MTFMT: variants seen among roughly 807,000 people sequenced by gnomAD.
MTFMT encodes mitochondrial methionyl-tRNA formyltransferase.
In MTFMT, 47 loss-of-function variants were observed where a neutral mutation model predicts 51.8. The observed-to-expected ratio is 0.91, with a 90% confidence interval of 0.72 to 1.16. The LOEUF (loss-of-function observed/expected upper bound fraction) is 1.16, where lower values mean the gene tolerates loss of function less well. Ranked by LOEUF, MTFMT falls within the 50% of genes most tolerant of loss-of-function variation. The probability of loss-of-function intolerance (pLI) is 0.00; values close to 1 mark genes in which losing one functional copy is unlikely to be tolerated. For missense variants in MTFMT, 512 were observed against 482.3 expected (o/e 1.06, Z -0.58); for synonymous variants, 196 against 176.7 (o/e 1.11, Z -0.87).
At chr15:65,013,699 G>C (rs2086289706) in intron 6 of MTFMT, among the ~76,000 whole-genome samples, 1 of 152,046 alleles carries the variant, frequency 6.6e-6, no homozygotes, top group African/African-American at 2.4e-5. Flanking sequence ...ATGCCAGCAT[G>C]TTGGGAGGCT....
In MTFMT at chr15:65,001,522, C is replaced by A. The variant is rs935495696; in HGVS notation, c.*1540G>T. ...TTTGCACACACCAGATGCTCAATAA[C>A]CTTTATTGCACAAGTAAGTTGAAAA... On this transcript the variant is annotated 3_prime_UTR_variant, in exon 9 of 9. Coordinates refer to ENST00000220058, the MANE Select transcript of MTFMT (RefSeq NM_139242.4). 2.6e-5 allele frequency: 4 copies of A among 152,214 alleles called. No homozygotes were observed. The highest frequency in any genetic ancestry group is 4.4e-5 in the Non-Finnish European group (3 of 68,066). The allele number at this position is 152,214 out of a possible 1,614,324, so 9.4% of individuals were successfully genotyped here.
intron 2 of MTFMT, among the ~76,000 whole-genome samples, chr15:65,025,169 A>C (rs2086410623): frequency 6.6e-6 from 1 of 151,544 alleles, no homozygotes. Context: ...CCAAGGCAGG[A>C]AGATCACATG....
intron 2 of MTFMT, among the ~76,000 whole-genome samples, chr15:65,024,313 G>A (rs962120469): frequency 1.3e-5 from 2 of 152,120 alleles, no homozygotes; most frequent in Non-Finnish European, 2.9e-5. Context: ...CAACAAGAGC[G>A]AAACTCCGTC....
chr15:65,024,713 CAG>C (rs756360326), intron 2 of MTFMT, among the ~76,000 whole-genome samples: 13 of 152,042 alleles, frequency 8.6e-5, no homozygotes, highest in Admixed American at 2.6e-4. Context: ...ATCCTGCCCT[CAG>C]AGAGTTTATG....
At chr15:65,026,779 A>G (rs1238654168) in intron 2 of MTFMT, 52 bp downstream of exon 2, 16 of 1,410,702 alleles carry the variant, frequency 1.1e-5, no homozygotes, top group Non-Finnish European at 1.5e-5. Context: ...TACAAGGTCC[A>G]TTTATAAAGA....
chr15:65,021,980 G>A (rs1242105086), intron 3 of MTFMT, among the ~76,000 whole-genome samples: 3 of 152,046 alleles, frequency 2.0e-5, no homozygotes, highest in East Asian at 1.9e-4. Flanking sequence ...TTGCATATCA[G>A]GAATTTAATT....
chr15:65,003,510 T>A (rs2086194656), intron 8 of MTFMT, among the ~76,000 whole-genome samples: 1 of 152,120 alleles, frequency 6.6e-6, no homozygotes, highest in Admixed American at 6.6e-5. Flanking sequence ...AATGTATAGA[T>A]CTGTATAAAT....
chr15:65,010,799 T>C (rs1403008114), intron 6 of MTFMT, among the ~76,000 whole-genome samples: 2 of 152,196 alleles, frequency 1.3e-5, no homozygotes, highest in Non-Finnish European at 2.9e-5. Context: ...TCCACACAGG[T>C]TGCACCATTT....
intron 6 of MTFMT, among the ~76,000 whole-genome samples, chr15:65,007,944 T>C (rs144890924): frequency 9.2e-4 from 140 of 152,310 alleles, no homozygotes; most frequent in African/African-American, 3.3e-3. Flanking sequence ...CATAATTATA[T>C]TTCTAAGTCT....
chr15:65,008,264 G>T (rs1472485234), intron 6 of MTFMT, among the ~76,000 whole-genome samples: 1 of 151,994 alleles, frequency 6.6e-6, no homozygotes, highest in Non-Finnish European at 1.5e-5. Flanking sequence ...CCCACCAATG[G>T]TTGGCCAGTT....
At chr15:65,009,979 C>T (rs1185814832) in intron 6 of MTFMT, among the ~76,000 whole-genome samples, 1 of 152,130 alleles carries the variant, frequency 6.6e-6, no homozygotes, top group African/African-American at 2.4e-5. Context: ...CTCCACTCCA[C>T]TCTCTAGCAG....
Position 65,016,453 on chromosome 15 carries a change from G to A in MTFMT, c.796C>T (p.Arg266Cys), listed in dbSNP as rs35302908. Residue 266 changes from arginine to cysteine, a missense_variant, in exon 6 of 9, where the codon CGT (arginine) becomes TGT (cysteine). Physicochemically the swap from Arg to Cys is radical, Grantham distance 180 (BLOSUM62 -3). Coordinates refer to ENST00000220058, the MANE Select transcript of MTFMT (RefSeq NM_139242.4). Reference sequence around the variant, plus strand: ...CAACTTACTATATTTCCAATGGCACGGTAAAGTCTGAATATTTGTTCTGAA... The same window carrying A: ...CAACTTACTATATTTCCAATGGCACAGTAAAGTCTGAATATTTGTTCTGAA... The part of the protein sequence containing the change: ...QTSEQIFRLY[R>C]AIGNIIPLQT... 1.6e-3 allele frequency: 2,511 copies of A among 1,606,602 alleles called. 40 individuals are homozygous for A. In the African/African-American group the frequency reaches 0.029, roughly 18 times the overall value.
chr15:65,012,670 G>A (rs998524010), intron 6 of MTFMT, among the ~76,000 whole-genome samples: 5 of 152,146 alleles, frequency 3.3e-5, no homozygotes, highest in Admixed American at 3.3e-4. Flanking sequence ...AAAGTGCTGG[G>A]ACTACAGGCA....
At chr15:65,018,827 A>G (rs1348152512) in intron 5 of MTFMT, among the ~76,000 whole-genome samples, 1 of 152,232 alleles carries the variant, frequency 6.6e-6, no homozygotes, top group Non-Finnish European at 1.5e-5. Flanking sequence ...TACTAAAAAG[A>G]ACGCATCTGA....
At chr15:65,026,597 C>A in intron 2 of MTFMT, 1 of 469,704 alleles carries the variant, frequency 2.1e-6, no homozygotes, top group Non-Finnish European at 3.8e-6. Context: ...ACTGTGTTTG[C>A]AGCATTCCTT....
chr15:65,004,755 G>T, intron 8 of MTFMT, 99 bp downstream of exon 8: 1 of 655,202 alleles, frequency 1.5e-6, no homozygotes, highest in Non-Finnish European at 2.5e-6. Context: ...CCAATCTATG[G>T]ACAGGCAGTT....
chr15:65,022,772 T>C (rs954194621), intron 3 of MTFMT, among the ~76,000 whole-genome samples: 1 of 151,486 alleles, frequency 6.6e-6, no homozygotes, highest in African/African-American at 2.4e-5. Flanking sequence ...AGTGGTGCGA[T>C]CTTGCCTCAC....
intron 6 of MTFMT, among the ~76,000 whole-genome samples, chr15:65,008,923 G>A (rs1297151863): frequency 3.3e-5 from 5 of 151,542 alleles, no homozygotes; most frequent in Admixed American, 2.0e-4. Context: ...CTTGTTCTTC[G>A]GGAGGTAAAG....
chr15:65,022,245 G>A (rs112991597), intron 3 of MTFMT, among the ~76,000 whole-genome samples: 2,025 of 152,134 alleles, frequency 0.013, 66 homozygotes, highest in South Asian at 0.12. Context: ...GGTGGATCAC[G>A]AGGTCAAGAG....
Sources: allele counts gnomAD v4.1 joint callset (sites outside exome capture counted in the v4.1 genomes callset), GRCh38; gene constraint gnomAD v4.1.1; transcripts MANE v1.5; gene names NCBI Gene and HGNC (gene_info 2026-07-23, HGNC 2026-07-21).